Variants in TM2D3 observed in about 807,000 individuals in gnomAD.
TM2D3 encodes TM2 domain containing 3.
A neutral mutation model predicts 27.3 loss-of-function variants in TM2D3; 33 were observed. That is an observed-to-expected ratio of 1.21 (90% CI 0.92 to 1.61). The LOEUF is 1.61. TM2D3 is among the 40% of genes most tolerant of loss of function. TM2D3 has a pLI of 0.00. For synonymous variants in TM2D3, 138 were observed against 122.2 expected (o/e 1.13, Z -0.85); for missense variants, 364 against 320.8 (o/e 1.13, Z -1.03).
At chr15:101,647,171 G>T (rs1896836398) in intron 3 of TM2D3, among the ~76,000 whole-genome samples, 1 of 152,000 alleles carries the variant, frequency 6.6e-6, no homozygotes, top group Admixed American at 6.6e-5. Context: ...GTTATTTCAG[G>T]GTGATATAAT....
chr15:101,649,484 T>A (rs962414215), intron 3 of TM2D3, among the ~76,000 whole-genome samples: 3 of 152,218 alleles, frequency 2.0e-5, no homozygotes, highest in Admixed American at 2.0e-4. Flanking sequence ...ACATTACATC[T>A]TTGGACTATC....
At chr15:101,640,715 G>C (rs564206656), downstream of TM2D3, among the ~76,000 whole-genome samples, 1 of 152,334 alleles carries the variant, frequency 6.6e-6, no homozygotes, top group South Asian at 2.1e-4. Flanking sequence ...TTTCCTGCTA[G>C]TTCTGTCTCA....
At chr15:101,641,845 G>T, downstream of TM2D3, 9 of 877,268 alleles carry the variant, frequency 1.0e-5, no homozygotes, top group Non-Finnish European at 1.1e-5. Context: ...CAGGCCCACA[G>T]TATTTCTTAA....
chr15:101,642,290 T>G lies in TM2D3; in HGVS notation c.*189A>C. 3.2e-6 allele frequency: 4 copies of G among 1,258,292 alleles called. No individual in the cohort carries two copies. Among genetic ancestry groups the G allele is most frequent in the Non-Finnish European group, 4.0e-6 (4 of 1,000,812 alleles). The allele number at this position is 1,258,292 out of a possible 1,614,324, so 77.9% of individuals were successfully genotyped here. ...AATTTTTTCACAGAAAAAAATATAT[T>G]TCAGGCAAATAAAAACAAATTCCAG... On this transcript the variant is annotated 3_prime_UTR_variant, in exon 6 of 6. Coordinates refer to ENST00000333202, the MANE Select transcript of TM2D3 (RefSeq NM_078474.3).
In TM2D3 at chr15:101,642,530, C is replaced by G. The variant is rs183173353; in HGVS notation, c.693G>C (p.Leu231=). 10 of 1,613,476 alleles carry G rather than the reference C, an allele frequency of 6.2e-6. No homozygotes were observed. In the East Asian group the frequency reaches 6.7e-5, roughly 11 times the overall value. ...GTCCAACATAGCCAACTCCAATGAGCAGGACGTCTATCAGCGTCCATATTC... is the reference window on the plus strand; with the variant it reads ...GTCCAACATAGCCAACTCCAATGAGGAGGACGTCTATCAGCGTCCATATTC... The part of the protein sequence containing the change: ...GLGIWTLIDV[L]LIGVGYVGPA... Residue 231 remains leucine (L), a synonymous_variant, in exon 6 of 6, where the codon CTG becomes CTC. Coordinates refer to ENST00000333202, the MANE Select transcript of TM2D3 (RefSeq NM_078474.3).
chr15:101,650,395 C>A (rs577633425), intron 2 of TM2D3: 2 of 390,278 alleles, frequency 5.1e-6, no homozygotes. Flanking sequence ...CTGCCTCCCA[C>A]GTGGCCGTGA....
At chr15:101,651,992 C>T in intron 1 of TM2D3, 1 of 591,930 alleles carries the variant, frequency 1.7e-6, no homozygotes, top group East Asian at 3.0e-5. Context: ...GATGACATCG[C>T]GCTCCAGTTC....
chr15:101,642,422 C>A lies in TM2D3; in HGVS notation c.*57G>T. ...ATATATCACTCACACCACATCAACT[C>A]CTACGGACAAAAGGGCTTTTTCTAA... On this transcript the variant is annotated 3_prime_UTR_variant, in exon 6 of 6. Coordinates refer to ENST00000333202, the MANE Select transcript of TM2D3 (RefSeq NM_078474.3). 6.6e-7 allele frequency: 1 copy of A among 1,517,310 alleles called. No homozygotes were observed. 94.0% of individuals were successfully genotyped at this position (1,517,310 alleles called of 1,614,324 possible).
intron 3 of TM2D3, 46 bp downstream of exon 3, chr15:101,649,958 A>C (rs757029399): frequency 6.4e-7 from 1 of 1,561,926 alleles, no homozygotes; most frequent in Non-Finnish European, 8.7e-7. Context: ...TTCTAACTTA[A>C]AGTTTACAAT....
chr15:101,652,337 T>A lies in TM2D3; in HGVS notation c.25A>T (p.Arg9Trp). 3.7e-6 allele frequency: 6 copies of A among 1,600,142 alleles called. No individual in the cohort carries two copies. Among genetic ancestry groups the A allele is most frequent in the South Asian group, 1.1e-5 (1 of 90,148 alleles). ...ACGCGACACAAGGCGCGGAGGCCCC[T>A]CAGCGGGAGCACCCCTCCCGCCATC... MAGGVLPLRGLRALCRVLL... is the reference protein window; with the variant it reads MAGGVLPLWGLRALCRVLL... Residue 9 changes from arginine (R) to tryptophan (W), a missense_variant, in exon 1 of 6, where the codon AGG becomes TGG. By Grantham distance (101) the Arg-to-Trp change is moderately radical. Transcript: ENST00000333202.
At position 101,645,128 on chromosome 15, in the gene TM2D3, A is replaced by G. The variant is rs1422388579; in HGVS notation, c.537T>C (p.Asn179=). 6.2e-7 allele frequency: 1 copy of G among 1,613,706 alleles called. No homozygotes were observed. Among genetic ancestry groups the G allele is most frequent in the Non-Finnish European group, 8.5e-7 (1 of 1,179,876 alleles). ...TAGACCACTTATAGCCTCCAGTCCA[A>G]TTGCAATATAGCATTTTGGGAAAAG... The part of the protein sequence containing the change: ...NRTFPKMLYC[N]WTGGYKWSTA... The change falls in exon 5 of 6, where the codon AAT becomes AAC. Residue 179 remains asparagine, a synonymous_variant. Transcript: ENST00000333202.
chr15:101,649,230 C>T (rs2141368626), intron 3 of TM2D3, among the ~76,000 whole-genome samples: 1 of 152,184 alleles, frequency 6.6e-6, no homozygotes, highest in African/African-American at 2.4e-5. Context: ...TTATATATTA[C>T]TGATATTACT....
At chr15:101,645,365 G>A in intron 4 of TM2D3, 1 of 575,472 alleles carries the variant, frequency 1.7e-6, no homozygotes, top group Non-Finnish European at 3.1e-6. Flanking sequence ...ATTACAACGT[G>A]AGGAACATGA....
At chr15:101,636,928 T>A (rs913710631), downstream of TM2D3, 8 of 438,166 alleles carry the variant, frequency 1.8e-5, no homozygotes, top group Non-Finnish European at 2.3e-5. Flanking sequence ...CGATGAAGAG[T>A]CCAACTCTGT....
At chr15:101,649,335 A>AT (rs1896906898) in intron 3 of TM2D3, among the ~76,000 whole-genome samples, 1 of 151,952 alleles carries the variant, frequency 6.6e-6, no homozygotes, top group African/African-American at 2.4e-5. Flanking sequence ...GAAATCTCCA[A>AT]TTTTTAGGAG....
At chr15:101,651,895 C>G in intron 1 of TM2D3, 122 bp from the exon 2 acceptor site, 1 of 982,236 alleles carries the variant, frequency 1.0e-6, no homozygotes, top group Non-Finnish European at 1.6e-6. Context: ...AACCTCACGG[C>G]TGGTCAGCCA....
chr15:101,633,488 C>T (rs1388158510), exon 5 of TM2D3: 1 of 480,602 alleles, frequency 2.1e-6, no homozygotes. Context: ...GGAGTGAGGC[C>T]CTCAGATCCC....
intron 5 of TM2D3, among the ~76,000 whole-genome samples, chr15:101,644,623 G>C (rs376757065): frequency 6.6e-6 from 1 of 152,136 alleles, no homozygotes; most frequent in African/African-American, 2.4e-5. Context: ...TTAAAGTACT[G>C]TTGAGAAGTT....
At chr15:101,648,575 G>C (rs1013406138) in intron 3 of TM2D3, among the ~76,000 whole-genome samples, 2 of 152,130 alleles carry the variant, frequency 1.3e-5, no homozygotes, top group Non-Finnish European at 1.5e-5. Context: ...GGGAGCCCCT[G>C]CCCTCCCCAG....
Sources: allele counts gnomAD v4.1 joint callset (sites outside exome capture counted in the v4.1 genomes callset), GRCh38; gene constraint gnomAD v4.1.1; transcripts MANE v1.5; gene names NCBI Gene and HGNC (gene_info 2026-07-23, HGNC 2026-07-21).